Variants in MVB12B observed in about 807,000 individuals in gnomAD.
MVB12B encodes the protein ESCRT-I complex subunit MVB12B.
In MVB12B, 16 loss-of-function variants were observed where a neutral mutation model predicts 41.6. The ratio of observed to expected loss-of-function variants is 0.38; its 90% CI spans 0.26 to 0.58. The LOEUF (loss-of-function observed/expected upper bound fraction) is 0.58. Among genes scored for constraint, MVB12B ranks in the 20% least tolerant of loss-of-function variants. MVB12B has a pLI of 0.62. For missense variants in MVB12B, 274 were observed against 380.2 expected, an observed-to-expected ratio of 0.72 and a Z score of 2.32; for synonymous variants, 133 against 139.7, an observed-to-expected ratio of 0.95 and a Z score of 0.34.
chr9:126,379,567 C>T (rs933185906), intron 2 of MVB12B, among the ~76,000 whole-genome samples: 3 of 152,230 alleles, frequency 2.0e-5, no homozygotes, highest in Non-Finnish European at 4.4e-5. Flanking sequence ...AAATTATCCC[C>T]ATACCATTCC....
intron 2 of MVB12B, among the ~76,000 whole-genome samples, chr9:126,354,296 T>C (rs1829825827): frequency 6.6e-6 from 1 of 152,242 alleles, no homozygotes; most frequent in Non-Finnish European, 1.5e-5. Context: ...GTATCACATT[T>C]TGTTGATATG....
At position 126,331,728 on chromosome 9, in the gene MVB12B, G is replaced by A. The variant is rs73667902; in HGVS notation, c.81+4718G>A. ...CTAAGGTTGTACAGTAAGTGTCAGA[G>A]CTGGAATTCAAGCTCGGGTCCCTTG... On this transcript the variant is annotated intron_variant, in intron 1 of 9. Transcript: ENST00000361171. 6.7e-3 allele frequency among the ~76,000 whole-genome samples: 1,019 copies of A among 152,356 alleles called. 9 individuals carry two copies. The highest frequency in any genetic ancestry group is 0.023 in the African/African-American group (952 of 41,576).
At chr9:126,374,588 G>A (rs1830431147) in intron 2 of MVB12B, among the ~76,000 whole-genome samples, 1 of 152,228 alleles carries the variant, frequency 6.6e-6, no homozygotes, top group Non-Finnish European at 1.5e-5. Flanking sequence ...TGTCGATTCT[G>A]TGGCACTGGC....
At chr9:126,331,766 G>A (rs1393357955) in intron 1 of MVB12B, among the ~76,000 whole-genome samples, 7 of 152,328 alleles carry the variant, frequency 4.6e-5, no homozygotes, top group South Asian at 4.1e-4. Context: ...CTCCAAAGGG[G>A]GCACCCATCC....
At chr9:126,399,053 G>A (rs933558616) in intron 6 of MVB12B, among the ~76,000 whole-genome samples, 3 of 152,196 alleles carry the variant, frequency 2.0e-5, no homozygotes, top group Admixed American at 6.5e-5. Context: ...CAGAAGCTCC[G>A]TTATTGCAGA....
At chr9:126,483,403 C>T (rs188753801) in intron 8 of MVB12B, among the ~76,000 whole-genome samples, 9 of 152,260 alleles carry the variant, frequency 5.9e-5, no homozygotes, top group Middle Eastern at 3.4e-3. Context: ...TTTTCCACAT[C>T]GATTTCTCAA....
intron 7 of MVB12B, among the ~76,000 whole-genome samples, chr9:126,472,104 A>G (rs1833326095): frequency 6.6e-6 from 1 of 151,394 alleles, no homozygotes; most frequent in Non-Finnish European, 1.5e-5. Flanking sequence ...TTGGGGAGGG[A>G]TAAGGGTTGG....
In MVB12B at chr9:126,386,779, C is replaced by T. The variant is rs1330135426; in HGVS notation, c.409+121C>T. On this transcript the variant is annotated intron_variant, in intron 4 of 9. Coordinates refer to ENST00000361171, the MANE Select transcript of MVB12B (RefSeq NM_033446.3). This position sits in a 1 kb window ranked among gnomAD's most constrained non-coding sequence, Gnocchi z 4.3. ...ACTTTTGGAGGCCTTACTACATGCC[C>T]ATGAACAAACCCTGCTGCTTTTGAT... 2 of 683,960 alleles carry T rather than the reference C, an allele frequency of 2.9e-6. No homozygotes were observed. Among genetic ancestry groups the T allele is most frequent in the East Asian group, 2.8e-5 (1 of 36,224 alleles). The allele number at this position is 683,960 out of a possible 1,614,324, so 42.4% of individuals were successfully genotyped here.
intron 2 of MVB12B, among the ~76,000 whole-genome samples, chr9:126,369,690 G>T (rs1316907548): frequency 6.6e-6 from 1 of 151,704 alleles, no homozygotes; most frequent in African/African-American, 2.4e-5. Context: ...TTTCACTCTT[G>T]TTGCCCAGGC....
chr9:126,400,235 C>T (rs1365136163), intron 6 of MVB12B, among the ~76,000 whole-genome samples: 1 of 152,078 alleles, frequency 6.6e-6, no homozygotes. Flanking sequence ...AGAAGTGTTT[C>T]CAGGTGGGGA....
At chr9:126,487,403 A>T (rs1833642977) in intron 9 of MVB12B, among the ~76,000 whole-genome samples, 2 of 152,192 alleles carry the variant, frequency 1.3e-5, no homozygotes, top group African/African-American at 4.8e-5. Context: ...GCTGGGGCTG[A>T]AAGCTCCATC....
At position 126,387,946 on chromosome 9, in the gene MVB12B, G is replaced by A. The variant is rs1267386044; in HGVS notation, c.409+1288G>A. Among the ~76,000 whole-genome samples, 4 of 152,194 alleles carry A rather than the reference G, an allele frequency of 2.6e-5. No homozygotes were observed. In the South Asian group the frequency reaches 6.2e-4, roughly 24 times the overall value. The stretch of plus-strand genomic sequence containing the variant: ...TCCAGCCACACTTTTAACCACGGCG[G>A]CACACTGGAAGAGCATGTGTATAAG... On this transcript the variant is annotated intron_variant, in intron 4 of 9. Coordinates refer to ENST00000361171, the MANE Select transcript of MVB12B (RefSeq NM_033446.3).
intron 2 of MVB12B, among the ~76,000 whole-genome samples, chr9:126,353,773 C>T (rs1588098171): frequency 6.6e-6 from 1 of 152,166 alleles, no homozygotes; most frequent in Admixed American, 6.5e-5. Flanking sequence ...ACTTAGTAAC[C>T]ACTGTGCTGC....
chr9:126,437,112 G>C (rs563560288), intron 7 of MVB12B, among the ~76,000 whole-genome samples: 1 of 152,048 alleles, frequency 6.6e-6, no homozygotes, highest in East Asian at 1.9e-4. Flanking sequence ...TGGGTTTCTC[G>C]AGCCTTCCCA....
At chr9:126,396,920 T>C (rs1183897188) in intron 6 of MVB12B, 3 of 985,530 alleles carry the variant, frequency 3.0e-6, no homozygotes, top group Non-Finnish European at 3.6e-6. Context: ...CATCAGCACT[T>C]GTTCCTCACT....
intron 2 of MVB12B, among the ~76,000 whole-genome samples, chr9:126,347,047 G>C (rs1207547593): frequency 6.6e-6 from 1 of 150,950 alleles, no homozygotes; most frequent in Non-Finnish European, 1.5e-5. Context: ...ACCCCAGCTA[G>C]AGGATGCCAT....
chr9:126,342,125 T>C (rs1167974448), intron 2 of MVB12B, among the ~76,000 whole-genome samples: 6 of 152,348 alleles, frequency 3.9e-5, no homozygotes, highest in African/African-American at 1.4e-4. Context: ...CTAATAAAAA[T>C]GTTCCTGATT....
Position 126,395,441 on chromosome 9 carries a change from T to C in MVB12B, c.540-134T>C. 1 of 1,083,450 alleles carries C rather than the reference T, an allele frequency of 9.2e-7. No individual in the cohort carries two copies. Among genetic ancestry groups the C allele is most frequent in the African/African-American group, 1.6e-5 (1 of 63,396 alleles). The allele number at this position is 1,083,450 out of a possible 1,614,324, so 67.1% of individuals were successfully genotyped here. ...AGCACAAAGGAGACGGTGGAACCCA[T>C]TTCACGTGGAGGGCAAGAATTGATT... On this transcript the variant is annotated intron_variant, in intron 5 of 9. Coordinates refer to ENST00000361171, the MANE Select transcript of MVB12B (RefSeq NM_033446.3). The surrounding 1 kb of genome is among the most constrained non-coding windows in gnomAD (Gnocchi z 4.9).
intron 2 of MVB12B, among the ~76,000 whole-genome samples, chr9:126,373,277 T>C (rs370571932): frequency 1.5e-4 from 23 of 152,370 alleles, no homozygotes; most frequent in African/African-American, 5.5e-4. Context: ...GTAGAAAGCA[T>C]CTTGAGCACA....
Sources: allele counts gnomAD v4.1 joint callset (sites outside exome capture counted in the v4.1 genomes callset), GRCh38; gene constraint gnomAD v4.1.1; non-coding constraint Gnocchi (gnomAD v3.1); transcripts MANE v1.5; gene names NCBI Gene and HGNC (gene_info 2026-07-23, HGNC 2026-07-21).